BAZ2B: variants seen among roughly 807,000 people sequenced by gnomAD.
BAZ2B encodes bromodomain adjacent to zinc finger domain 2B.
In BAZ2B, 91 loss-of-function variants were observed where a neutral mutation model predicts 246.0. That is an observed-to-expected ratio of 0.37 (90% CI 0.31 to 0.44). The LOEUF is 0.44. Ranked by LOEUF, BAZ2B falls within the 20% of genes least tolerant of loss-of-function variation. The probability of loss-of-function intolerance (pLI) is 1.00; values close to 1 mark genes in which losing one functional copy is unlikely to be tolerated. For synonymous variants in BAZ2B, 855 were observed against 860.0 expected (o/e 0.99, Z 0.10); for missense variants, 2,332 against 2,533.7 (o/e 0.92, Z 1.71).
chr2:159,473,067 C>T (rs1240549961), intron 3 of BAZ2B, among the ~76,000 whole-genome samples: 1 of 152,140 alleles, frequency 6.6e-6, no homozygotes, highest in Non-Finnish European at 1.5e-5. Context: ...ATGGTACCAG[C>T]TCCTCTTTGT....
chr2:159,397,099 T>C (rs1318235337), intron 19 of BAZ2B: 2 of 1,448,494 alleles, frequency 1.4e-6, no homozygotes, highest in Non-Finnish European at 1.8e-6. Flanking sequence ...CCTCTCCAAC[T>C]CCTGGTAGAA....
In BAZ2B at chr2:159,325,689, G is replaced by C; in HGVS notation, c.6173C>G (p.Pro2058Arg). The change falls in exon 35 of 37, where the codon CCT becomes CGT. Residue 2058 changes from proline (P) to arginine (R), a missense_variant. Physicochemically the swap from Pro to Arg is moderately radical, Grantham distance 103. Coordinates refer to ENST00000392783, the MANE Select transcript of BAZ2B (RefSeq NM_013450.4). ...KQESFTSVKK[P>R]KRDDSKDLAL... The stretch of plus-strand genomic sequence containing the variant: ...TAGGTCCTTGGAGTCATCTCTTTTA[G>C]GTTTCTTAACTGAAGTAAAACTTTC... 6.3e-7 allele frequency: 1 copy of C among 1,594,058 alleles called. No homozygotes were observed. Among genetic ancestry groups the C allele is most frequent in the Non-Finnish European group, 8.5e-7 (1 of 1,175,612 alleles).
intron 1 of BAZ2B, among the ~76,000 whole-genome samples, chr2:159,564,423 C>G (rs1391777868): frequency 6.6e-6 from 1 of 152,266 alleles, no homozygotes; most frequent in South Asian, 2.1e-4. Context: ...CAACAACACT[C>G]TAGCCACTGT....
intron 1 of BAZ2B, among the ~76,000 whole-genome samples, chr2:159,598,656 C>T (rs940034215): frequency 2.6e-5 from 4 of 151,754 alleles, no homozygotes; most frequent in Non-Finnish European, 4.4e-5. Context: ...GAGACCAGCC[C>T]GGCCAAACAG....
upstream of BAZ2B, among the ~76,000 whole-genome samples, chr2:159,619,399 G>A (rs894243291): frequency 6.6e-6 from 1 of 151,516 alleles, no homozygotes; most frequent in Non-Finnish European, 1.5e-5. Flanking sequence ...TTATTATGAA[G>A]GGCTCGTTAT....
chr2:159,535,297 G>A (rs941991661), intron 2 of BAZ2B, among the ~76,000 whole-genome samples: 3 of 152,182 alleles, frequency 2.0e-5, no homozygotes, highest in Admixed American at 6.5e-5. Flanking sequence ...TGAGGTGGGC[G>A]GATCACTTGA....
At chr2:159,537,571 C>G (rs1251744871) in intron 2 of BAZ2B, among the ~76,000 whole-genome samples, 1 of 152,294 alleles carries the variant, frequency 6.6e-6, no homozygotes, top group East Asian at 1.9e-4. Flanking sequence ...ATAACTATAA[C>G]CTTCTTCTTC....
chr2:159,609,807 A>T (rs78668242), intron 1 of BAZ2B, among the ~76,000 whole-genome samples: 62 of 35,972 alleles, frequency 1.7e-3, no homozygotes, highest in African/African-American at 5.0e-3. Flanking sequence ...GTAGATCAAT[A>T]AAAAAAAAAA....
At chr2:159,475,326 G>A (rs537019284) in intron 3 of BAZ2B, among the ~76,000 whole-genome samples, 1 of 152,038 alleles carries the variant, frequency 6.6e-6, no homozygotes, top group South Asian at 2.1e-4. Context: ...ATATCCTTTC[G>A]TCTGCTTCAT....
chr2:159,563,016 T>C (rs1392379821), intron 1 of BAZ2B, among the ~76,000 whole-genome samples: 1 of 152,140 alleles, frequency 6.6e-6, no homozygotes, highest in African/African-American at 2.4e-5. Context: ...TTTCAGACTA[T>C]GGCTGTGAAG....
intron 1 of BAZ2B, among the ~76,000 whole-genome samples, chr2:159,601,816 T>C (rs543754049): frequency 2.0e-5 from 3 of 152,232 alleles, no homozygotes; most frequent in Middle Eastern, 3.4e-3. Context: ...ATAAAAAAAG[T>C]TTAAGTACTA....
chr2:159,528,364 T>C (rs1437890760), intron 2 of BAZ2B, among the ~76,000 whole-genome samples: 1 of 152,026 alleles, frequency 6.6e-6, no homozygotes, highest in East Asian at 1.9e-4. Flanking sequence ...AAAAGAAATG[T>C]AGTCTTTGTT....
At position 159,359,096 on chromosome 2, in the gene BAZ2B, T is replaced by A. The variant is rs545027545; in HGVS notation, c.4214-8739A>T. On this transcript the variant is annotated intron_variant, in intron 27 of 36. Transcript: ENST00000392783. ...TCAAAAGCTAGCAGAAGACAAGAAA[T>A]AACTAAGATCAGAGCAGAACTAAAG... 7.9e-5 allele frequency among the ~76,000 whole-genome samples: 12 copies of A among 151,674 alleles called. No individual in the cohort carries two copies. The South Asian group carries it at 1.9e-3, about 24-fold the overall frequency.
At chr2:159,393,879 A>G (rs115572087) in intron 20 of BAZ2B, among the ~76,000 whole-genome samples, 8,898 of 150,952 alleles carry the variant, frequency 0.059, 359 homozygotes, top group Middle Eastern at 0.14. Flanking sequence ...AGCTTCCCCC[A>G]CTCTCCCCAG....
chr2:159,564,561 T>G lies in BAZ2B; in HGVS notation c.-45-8696A>C, dbSNP rs535656989. Among the ~76,000 whole-genome samples the G allele has an allele frequency of 3.3e-5, 5 of 152,090 alleles. No individual in the cohort carries two copies. The South Asian group carries it at 1.0e-3, about 32-fold the overall frequency. ...GTAGCCATATTGGTGGTGAAAAAAG[T>G]GATTATTTTTGATATTTGATTGCTG... On this transcript the variant is annotated intron_variant, in intron 1 of 36. Transcript: ENST00000392783.
intron 2 of BAZ2B, among the ~76,000 whole-genome samples, chr2:159,551,279 C>T (rs1353999347): frequency 1.3e-5 from 2 of 151,998 alleles, no homozygotes; most frequent in Non-Finnish European, 2.9e-5. Context: ...ACCATCCTGG[C>T]TAACATGGTG....
intron 1 of BAZ2B, among the ~76,000 whole-genome samples, chr2:159,557,844 T>G (rs2089382746): frequency 6.6e-6 from 1 of 152,108 alleles, no homozygotes; most frequent in African/African-American, 2.4e-5. Flanking sequence ...CAAGAATTAC[T>G]ATCTATTTAA....
chr2:159,535,803 C>T (rs1397918491), intron 2 of BAZ2B, among the ~76,000 whole-genome samples: 1 of 152,192 alleles, frequency 6.6e-6, no homozygotes, highest in Non-Finnish European at 1.5e-5. Flanking sequence ...TTCCACTCCT[C>T]AAAGCAAAAT....
chr2:159,607,418 C>G (rs1693753317), intron 1 of BAZ2B, among the ~76,000 whole-genome samples: 1 of 152,116 alleles, frequency 6.6e-6, no homozygotes, highest in Admixed American at 6.6e-5. Context: ...TGGTTAATCT[C>G]AAAACAGAAG....
Sources: allele counts gnomAD v4.1 joint callset (sites outside exome capture counted in the v4.1 genomes callset), GRCh38; gene constraint gnomAD v4.1.1; transcripts MANE v1.5; gene names NCBI Gene and HGNC (gene_info 2026-07-23, HGNC 2026-07-21).